The following CIAO2A variants were observed in gnomAD, a reference collection of about 807,000 sequenced individuals.
CIAO2A encodes MIP18 family protein FAM96A.
Under a neutral mutation model 22.4 loss-of-function variants are expected in CIAO2A, and 17 were observed. The observed-to-expected ratio is 0.76, with a 90% CI of 0.52 to 1.14. The LOEUF (loss-of-function observed/expected upper bound fraction) is 1.14. CIAO2A is among the 50% of genes most tolerant of loss of function. The probability of loss-of-function intolerance (pLI) is 0.00; values close to 1 mark genes in which losing one functional copy is unlikely to be tolerated. For synonymous variants in CIAO2A, 74 were observed against 72.3 expected, an observed-to-expected ratio of 1.02 and a Z score of -0.12; for missense variants, 192 against 191.4, an observed-to-expected ratio of 1.00 and a Z score of -0.02.
intron 4 of CIAO2A, among the ~76,000 whole-genome samples, chr15:64,073,419 C>G (rs867798334): frequency 6.6e-6 from 1 of 152,052 alleles, no homozygotes; most frequent in African/African-American, 2.4e-5. Flanking sequence ...ACAATGAATA[C>G]CTTTAAACAT....
intron 3 of CIAO2A, among the ~76,000 whole-genome samples, chr15:64,078,778 C>T (rs2080739401): frequency 6.6e-6 from 1 of 152,006 alleles, no homozygotes; most frequent in African/African-American, 2.4e-5. Context: ...TGCAGTGGCT[C>T]ACGCCTGTAA....
intron 4 of CIAO2A, chr15:64,074,485 C>T (rs1375994229): frequency 6.6e-6 from 1 of 152,190 alleles, no homozygotes; most frequent in Non-Finnish European, 1.5e-5. Flanking sequence ...AAAACGATAA[C>T]CTGAGTGGAT....
rs199904809 is a variant in CIAO2A at position 64,093,791 on chromosome 15, C to A, written c.-23G>T. 9 of 1,606,008 alleles carry A rather than the reference C, an allele frequency of 5.6e-6. No individual in the cohort carries two copies. The South Asian group carries it at 7.7e-5, about 14-fold the overall frequency. ...CATCTTCACGCTCAGCCATCCCTGGCGACTGTCCCAATCGCGCCACCGTCT... is the reference window on the plus strand; with the variant it reads ...CATCTTCACGCTCAGCCATCCCTGGAGACTGTCCCAATCGCGCCACCGTCT... On this transcript the variant is annotated 5_prime_UTR_variant, in exon 1 of 5. Coordinates refer to ENST00000300030, the MANE Select transcript of CIAO2A (RefSeq NM_032231.7).
At chr15:64,079,092 T>C (rs1305445817) in intron 3 of CIAO2A, among the ~76,000 whole-genome samples, 2 of 151,148 alleles carry the variant, frequency 1.3e-5, no homozygotes, top group African/African-American at 4.9e-5. Flanking sequence ...GAAATAGCTT[T>C]AGTTACAGAA....
At chr15:64,080,303 G>A (rs1030593269) in intron 3 of CIAO2A, among the ~76,000 whole-genome samples, 8 of 152,082 alleles carry the variant, frequency 5.3e-5, no homozygotes, top group Non-Finnish European at 7.4e-5. Context: ...CACGAGAATC[G>A]CTTGAACCCT....
At position 64,073,001 on chromosome 15, in the gene CIAO2A, C is replaced by T. The variant is rs1261529584; in HGVS notation, c.413G>A (p.Arg138Gln). 6.8e-6 allele frequency: 11 copies of T among 1,613,616 alleles called. No homozygotes were observed. Among genetic ancestry groups the T allele is most frequent in the Non-Finnish European group, 8.5e-6 (10 of 1,179,716 alleles). Residue 138 changes from arginine to glutamine, a missense_variant, in exon 5 of 5, where the codon CGA becomes CAA. Transcript: ENST00000300030. ...DINKQINDKE[R>Q]VAAAMENPNL... ...GGGGTTTTCCATTGCAGCTGCCACT[C>T]GCTCTTTGTCATTTATCTGCTTATT...
intron 3 of CIAO2A, among the ~76,000 whole-genome samples, chr15:64,076,125 T>C (rs1448238844): frequency 6.6e-6 from 1 of 152,208 alleles, no homozygotes; most frequent in East Asian, 1.9e-4. Flanking sequence ...AAAAATATCA[T>C]TTTACACAAA....
intron 2 of CIAO2A, 102 bp from the exon 3 acceptor site, chr15:64,081,253 G>A: frequency 9.5e-7 from 1 of 1,048,728 alleles, no homozygotes; most frequent in Non-Finnish European, 1.4e-6. Context: ...CAACACAGTT[G>A]CTGAAAACAG....
At position 64,072,969 on chromosome 15, in the gene CIAO2A, G is replaced by C. The variant is rs746761595; in HGVS notation, c.445C>G (p.Arg149Gly). The change falls in exon 5 of 5, where the codon CGG (arginine) becomes GGG (glycine). Residue 149 changes from arginine to glycine, a missense_variant. Transcript: ENST00000300030. ...VAAAMENPNL[R>G]EIVEQCVLEP... ...AGGACACACTGTTCCACAATTTCCC[G>C]TAAGTTGGGGTTTTCCATTGCAGCT... 6.8e-6 allele frequency: 11 copies of C among 1,613,660 alleles called. No individual in the cohort carries two copies. Among genetic ancestry groups the C allele is most frequent in the African/African-American group, 1.3e-5 (1 of 74,892 alleles).
chr15:64,078,679 C>G (rs918211757), intron 3 of CIAO2A, among the ~76,000 whole-genome samples: 1 of 150,366 alleles, frequency 6.7e-6, no homozygotes. Context: ...AGTTGACAGT[C>G]CAGGAGGGAA....
chr15:64,075,838 T>C (rs2141274877), intron 3 of CIAO2A, among the ~76,000 whole-genome samples: 1 of 152,080 alleles, frequency 6.6e-6, no homozygotes, highest in South Asian at 2.1e-4. Flanking sequence ...TTATTTTTTT[T>C]TTTTAGTAGA....
chr15:64,079,518 C>G (rs1485522529), intron 3 of CIAO2A, among the ~76,000 whole-genome samples: 1 of 152,076 alleles, frequency 6.6e-6, no homozygotes, highest in Non-Finnish European at 1.5e-5. Flanking sequence ...AGAGCAAGAC[C>G]CTGTCTCAAC....
At chr15:64,080,920 T>C (rs906182607) in intron 3 of CIAO2A, among the ~76,000 whole-genome samples, 182 bp downstream of exon 3, 9 of 152,190 alleles carry the variant, frequency 5.9e-5, no homozygotes, top group South Asian at 2.1e-4. Flanking sequence ...TGAATGTTCA[T>C]AGCAGCATTA....
intron 3 of CIAO2A, among the ~76,000 whole-genome samples, chr15:64,080,878 T>C (rs2080754581): frequency 1.3e-5 from 2 of 151,944 alleles, no homozygotes; most frequent in Admixed American, 1.3e-4. Context: ...GGAAAAGAAA[T>C]GAAAATATAT....
chr15:64,085,619 T>A (rs1422946700), intron 2 of CIAO2A, among the ~76,000 whole-genome samples: 1 of 152,184 alleles, frequency 6.6e-6, no homozygotes, highest in Admixed American at 6.5e-5. Context: ...GTTTTACAGA[T>A]AAGGAAACTG....
intron 2 of CIAO2A, among the ~76,000 whole-genome samples, chr15:64,082,064 A>T (rs1595955604): frequency 6.6e-6 from 1 of 152,236 alleles, no homozygotes; most frequent in Non-Finnish European, 1.5e-5. Flanking sequence ...ACAGCAATAC[A>T]GCAAGATATA....
At chr15:64,074,684 G>C (rs1275342560) in intron 4 of CIAO2A, 1 of 152,214 alleles carries the variant, frequency 6.6e-6, no homozygotes, top group African/African-American at 2.4e-5. Context: ...TCTGGAAGCA[G>C]CAGGCTTCCC....
At chr15:64,077,616 G>T (rs1474315728) in intron 3 of CIAO2A, among the ~76,000 whole-genome samples, 3 of 152,094 alleles carry the variant, frequency 2.0e-5, no homozygotes, top group Non-Finnish European at 4.4e-5. Context: ...TGCACAAACT[G>T]AATCTAACCA....
intron 4 of CIAO2A, 96 bp downstream of exon 4, chr15:64,075,396 G>A (rs1595951037): frequency 1.3e-6 from 1 of 749,664 alleles, no homozygotes; most frequent in Non-Finnish European, 2.1e-6. Flanking sequence ...TTTTTTGAAA[G>A]TAACCCAGTA....
Sources: allele counts gnomAD v4.1 joint callset (sites outside exome capture counted in the v4.1 genomes callset), GRCh38; gene constraint gnomAD v4.1.1; transcripts MANE v1.5; gene names NCBI Gene and HGNC (gene_info 2026-07-23, HGNC 2026-07-21).